The following ATP11B variants were observed in gnomAD, a reference collection of about 807,000 sequenced individuals.
The protein encoded by ATP11B is ATPase phospholipid transporting 11B (putative), also known as phospholipid-transporting ATPase IF.
A neutral mutation model predicts 157.8 loss-of-function variants in ATP11B; 81 were observed. The ratio of observed to expected loss-of-function variants is 0.51; its 90% CI spans 0.43 to 0.62. The LOEUF is 0.62. ATP11B is among the 20% of genes least tolerant of loss of function. The pLI is 0.00. For synonymous variants in ATP11B, 451 were observed against 469.4 expected (o/e 0.96, Z 0.51); for missense variants, 1,165 against 1,402.2 (o/e 0.83, Z 2.70).
intron 2 of ATP11B, among the ~76,000 whole-genome samples, chr3:182,822,109 C>CT (rs533800000): frequency 7.3e-4 from 103 of 141,336 alleles, no homozygotes; most frequent in Middle Eastern, 3.7e-3. Context: ...TGACACAGTT[C>CT]TTTTTTTTTT....
intron 25 of ATP11B, among the ~76,000 whole-genome samples, chr3:182,892,416 A>G (rs1723239557): frequency 6.6e-6 from 1 of 152,180 alleles, no homozygotes; most frequent in Non-Finnish European, 1.5e-5. Flanking sequence ...GAGGGCCTAG[A>G]GCAGAAAAAG....
Position 182,829,567 on chromosome 3 carries a change from G to A in ATP11B, c.235-105G>A, listed in dbSNP as rs542796812. ...GCCAACAAAGTGAAGTTGTGAAATC[G>A]TGAACTAAAGTATACTCACTGTGTA... On this transcript the variant is annotated intron_variant, in intron 3 of 29. Transcript: ENST00000323116. The A allele has an allele frequency of 8.9e-6, 7 of 786,922 alleles. No homozygotes were observed. In the South Asian group the frequency reaches 1.1e-4, roughly 12 times the overall value. The allele number at this position is 786,922 out of a possible 1,614,324, so 48.7% of individuals were successfully genotyped here.
Position 182,896,717 on chromosome 3 carries a change from A to G in ATP11B, c.3000A>G (p.Thr1000=). 1.2e-6 allele frequency: 2 copies of G among 1,612,984 alleles called. No homozygotes were observed. The highest frequency in any genetic ancestry group is 1.7e-6 in the Non-Finnish European group (2 of 1,179,170). Residue 1000 remains threonine, a synonymous_variant, in exon 26 of 30, where the codon ACA becomes ACG. Coordinates refer to ENST00000323116, the MANE Select transcript of ATP11B (RefSeq NM_014616.3). ...LGNGQMFGNW[T]FGTLVFTVMV... The stretch of plus-strand genomic sequence containing the variant: ...CTGTTTAGATGTTTGGAAACTGGAC[A>G]TTTGGCACTTTGGTCTTCACAGTCA...
rs1718552866 is a variant in ATP11B at position 182,836,352 on chromosome 3, T to C, written c.434T>C (p.Ile145Thr). 2 of 1,613,810 alleles carry C rather than the reference T, an allele frequency of 1.2e-6. No homozygotes were observed. Among genetic ancestry groups the C allele is most frequent in the South Asian group, 1.1e-5 (1 of 91,058 alleles). Reference sequence around the variant, plus strand: ...CAAAATTCTTTATAGGTGGGTGATATTGTTCGAATAGCCAAAGATGAAATT... The same window carrying C: ...CAAAATTCTTTATAGGTGGGTGATACTGTTCGAATAGCCAAAGATGAAATT... ...TRSKNIRVGD[I>T]VRIAKDEIFP... Residue 145 changes from isoleucine (I) to threonine (T), a missense_variant, in exon 6 of 30, where the codon ATT (isoleucine) becomes ACT (threonine). Ile to Thr is a moderately conservative substitution (Grantham distance 89, BLOSUM62 -1). This residue lies in a region of ATP11B where 737 missense variants were observed against 930.5 expected (regional missense o/e 0.79). Coordinates refer to ENST00000323116, the MANE Select transcript of ATP11B (RefSeq NM_014616.3).
chr3:182,824,129 G>A (rs1312005399), intron 2 of ATP11B, among the ~76,000 whole-genome samples: 1 of 151,872 alleles, frequency 6.6e-6, no homozygotes, highest in Admixed American at 6.6e-5. Context: ...ATGCTTTTGG[G>A]GTTCATTTTT....
At chr3:182,916,933 A>G in intron 29 of ATP11B, 1 of 982,378 alleles carries the variant, frequency 1.0e-6, no homozygotes, top group Non-Finnish European at 1.2e-6. Flanking sequence ...TCATCTTCTC[A>G]TTTTATTCAT....
rs1383040634 is a variant in ATP11B at position 182,918,218 on chromosome 3, G to C, written c.*114G>C. 4.1e-6 allele frequency: 6 copies of C among 1,448,762 alleles called. No homozygotes were observed. The highest frequency in any genetic ancestry group is 2.8e-5 in the African/African-American group (2 of 70,834). The allele number at this position is 1,448,762 out of a possible 1,614,324, so 89.7% of individuals were successfully genotyped here. ...ATTAATTTCCAAAATCTTTGTAGTAGTTCATACCCACTCAGAGTTATAATG... is the reference window on the plus strand; with the variant it reads ...ATTAATTTCCAAAATCTTTGTAGTACTTCATACCCACTCAGAGTTATAATG... On this transcript the variant is annotated 3_prime_UTR_variant, in exon 30 of 30. Coordinates refer to ENST00000323116, the MANE Select transcript of ATP11B (RefSeq NM_014616.3).
chr3:182,826,251 T>G (rs1215988328), intron 2 of ATP11B, among the ~76,000 whole-genome samples: 1 of 152,218 alleles, frequency 6.6e-6, no homozygotes, highest in Admixed American at 6.5e-5. Context: ...TAAGAAATTT[T>G]TATTTGTTCT....
At chr3:182,859,827 G>A (rs1213977533) in intron 12 of ATP11B, among the ~76,000 whole-genome samples, 2 of 151,764 alleles carry the variant, frequency 1.3e-5, no homozygotes, top group Non-Finnish European at 2.9e-5. Flanking sequence ...TATTTGCTCT[G>A]TTTTTTCATT....
At chr3:182,892,326 A>G (rs1443405462) in intron 25 of ATP11B, among the ~76,000 whole-genome samples, 1 of 152,178 alleles carries the variant, frequency 6.6e-6, no homozygotes, top group East Asian at 1.9e-4. Context: ...GCCGCGTCTC[A>G]TTGCTTAGCA....
chr3:182,893,220 A>G (rs1723291156), intron 25 of ATP11B, among the ~76,000 whole-genome samples: 1 of 151,930 alleles, frequency 6.6e-6, no homozygotes, highest in African/African-American at 2.4e-5. Flanking sequence ...TTTCTTGTTT[A>G]GTTTTTTTAT....
intron 1 of ATP11B, among the ~76,000 whole-genome samples, chr3:182,814,251 G>T (rs973769540): frequency 2.0e-5 from 3 of 151,842 alleles, no homozygotes; most frequent in African/African-American, 7.3e-5. Context: ...TTTTAGTAAA[G>T]ATGGGGTTTT....
chr3:182,796,364 A>G (rs1715598532), intron 1 of ATP11B, among the ~76,000 whole-genome samples: 1 of 152,236 alleles, frequency 6.6e-6, no homozygotes, highest in Admixed American at 6.5e-5. Context: ...TACCTTGATT[A>G]TAATTATGGA....
Position 182,865,335 on chromosome 3 carries a change from C to T in ATP11B, c.1201-121C>T. On this transcript the variant is annotated intron_variant, in intron 12 of 29. Transcript: ENST00000323116. ...GCTTGGATTATAAGAATCTCAGCAT[C>T]CATATATCAATATTAATAGATAAAC... The T allele has an allele frequency of 1.5e-5, 13 of 864,098 alleles. No individual in the cohort carries two copies. In the South Asian group the frequency reaches 2.5e-4, roughly 17 times the overall value. 53.5% of individuals were successfully genotyped at this position (864,098 alleles called of 1,614,324 possible).
At chr3:182,901,363 A>C (rs1025308870) in intron 28 of ATP11B, among the ~76,000 whole-genome samples, 3 of 151,542 alleles carry the variant, frequency 2.0e-5, no homozygotes, top group East Asian at 1.9e-4. Context: ...ACAAAAAAAA[A>C]ACCTTAATTC....
chr3:182,907,824 T>G (rs560169176), intron 28 of ATP11B, among the ~76,000 whole-genome samples: 1 of 152,340 alleles, frequency 6.6e-6, no homozygotes, highest in African/African-American at 2.4e-5. Context: ...TCATATGATG[T>G]GGATCTGGTA....
intron 1 of ATP11B, among the ~76,000 whole-genome samples, chr3:182,817,282 T>A (rs371598784): frequency 1.3e-5 from 2 of 152,018 alleles, no homozygotes; most frequent in Non-Finnish European, 2.9e-5. Flanking sequence ...CCGTTTTTTT[T>A]TTTGTTTGTT....
At chr3:182,861,900 C>T (rs62294820) in intron 12 of ATP11B, among the ~76,000 whole-genome samples, 7,447 of 149,498 alleles carry the variant, frequency 0.05, 261 homozygotes, top group Non-Finnish European at 0.067. Context: ...ACCCTGGTCA[C>T]ACCACTGCAC....
intron 14 of ATP11B, 108 bp from the exon 15 acceptor site, chr3:182,867,268 T>G: frequency 1.4e-6 from 1 of 739,040 alleles, no homozygotes; most frequent in Non-Finnish European, 2.3e-6. Context: ...TTTAAATGCA[T>G]TTTGAACTTT....
Sources: allele counts gnomAD v4.1 joint callset (sites outside exome capture counted in the v4.1 genomes callset), GRCh38; gene constraint gnomAD v4.1.1; regional missense constraint gnomAD v4.1.1; transcripts MANE v1.5; gene names NCBI Gene and HGNC (gene_info 2026-07-23, HGNC 2026-07-21).